The following NCOA1 variants were observed in gnomAD, a reference collection of about 807,000 sequenced individuals.
NCOA1 encodes Hin-2 protein.
A neutral mutation model predicts 150.9 loss-of-function variants in NCOA1; 35 were observed. The ratio of observed to expected loss-of-function variants is 0.23; its 90% CI spans 0.18 to 0.31. The LOEUF (loss-of-function observed/expected upper bound fraction) is 0.31, where lower values mean the gene tolerates loss of function less well. NCOA1 is among the 10% of genes least tolerant of loss of function. The pLI is 1.00. For synonymous variants in NCOA1, 590 were observed against 630.0 expected, an observed-to-expected ratio of 0.94 and a Z score of 0.95; for missense variants, 1,491 against 1,749.3, an observed-to-expected ratio of 0.85 and a Z score of 2.63.
In NCOA1 at chr2:24,705,237, C is replaced by T. The variant is rs898142168; in HGVS notation, c.1097+4C>T. 1 of 1,613,438 alleles carries T rather than the reference C, an allele frequency of 6.2e-7. No homozygotes were observed. Among genetic ancestry groups the T allele is most frequent in the African/African-American group, 1.3e-5 (1 of 75,030 alleles). ...TGGGAATTCATATCATCGACAGGTACTACTTATTTGGAGAGCTTCATATGA... is the reference window on the plus strand; with the variant it reads ...TGGGAATTCATATCATCGACAGGTATTACTTATTTGGAGAGCTTCATATGA... On this transcript the variant is annotated splice_donor_region_variant and intron_variant, in intron 12 of 22. Coordinates refer to ENST00000348332, the MANE Select transcript of NCOA1 (RefSeq NM_003743.5).
Position 24,561,880 on chromosome 2 carries a change from C to T in NCOA1, c.-395-2415C>T, listed in dbSNP as rs567140129. ...ATAGCTCAGAGACCAACCTTATGGG[C>T]AAACAAAGGAAGTATAAAAGAAGAA... On this transcript the variant is annotated intron_variant, in intron 1 of 22. Coordinates refer to ENST00000348332, the MANE Select transcript of NCOA1 (RefSeq NM_003743.5). 5.3e-5 allele frequency among the ~76,000 whole-genome samples: 8 copies of T among 152,104 alleles called. No homozygotes were observed. In the South Asian group the frequency reaches 1.5e-3, roughly 28 times the overall value.
intron 1 of NCOA1, among the ~76,000 whole-genome samples, chr2:24,551,040 A>G (rs1191559622): frequency 6.6e-6 from 1 of 150,932 alleles, no homozygotes; most frequent in Non-Finnish European, 1.5e-5. Flanking sequence ...GGTTGCAGTG[A>G]GCTGAGATTG....
At chr2:24,544,099 T>G (rs1665507375) in intron 1 of NCOA1, among the ~76,000 whole-genome samples, 2 of 152,126 alleles carry the variant, frequency 1.3e-5, no homozygotes, top group Non-Finnish European at 2.9e-5. Flanking sequence ...GGTGGTTAGT[T>G]ACTAGGGAGA....
Position 24,726,664 on chromosome 2 carries a change from C to T in NCOA1, c.2675C>T (p.Thr892Ile). 3.1e-6 allele frequency: 5 copies of T among 1,610,276 alleles called. No homozygotes were observed. In the Middle Eastern group the frequency reaches 5.0e-4, roughly 160 times the overall value. The change falls in exon 15 of 23, where the codon ACA (threonine) becomes ATA (isoleucine). Residue 892 changes from threonine to isoleucine, a missense_variant. Transcript: ENST00000348332. ...GGAACAGGCGATCAGATTCCATGGA[C>T]AAATAATACAGTGACAGCTATAAAT... is the stretch of plus-strand genomic sequence containing the variant. Reference protein sequence around the residue: ...QPGTGDQIPWTNNTVTAINQS... With the variant: ...QPGTGDQIPWINNTVTAINQS...
rs1558303500 is a variant in NCOA1, at chr2:24,707,225, C to A, written c.1755C>A (p.Asn585Lys). 1 of 1,614,156 alleles carries A rather than the reference C, an allele frequency of 6.2e-7. No individual in the cohort carries two copies. The highest frequency in any genetic ancestry group is 8.5e-7 in the Non-Finnish European group (1 of 1,180,004). Residue 585 changes from asparagine (N) to lysine (K), a missense_variant, in exon 13 of 23, where the codon AAC (asparagine) becomes AAA (lysine). Asn to Lys is a moderately conservative substitution (Grantham distance 94). Around this residue, in one of 8 missense-constraint regions of NCOA1, gnomAD observed 703 missense variants for 717.7 expected, o/e 0.98. Transcript: ENST00000348332. ...CAGCAAAAGCTGAGTCCAAAGATAA[C>A]AAAGAGATTGCCTCAATTTTAAATG... ...IQPAKAESKD[N>K]KEIASILNEM...
At chr2:24,649,597 T>C (rs548286928) in intron 4 of NCOA1, among the ~76,000 whole-genome samples, 2 of 152,348 alleles carry the variant, frequency 1.3e-5, no homozygotes, top group East Asian at 3.9e-4. Flanking sequence ...CTATTTTCCC[T>C]CAGTCGTGAA....
chr2:24,674,664 C>A (rs901134516), intron 7 of NCOA1, among the ~76,000 whole-genome samples: 1 of 152,140 alleles, frequency 6.6e-6, no homozygotes. Flanking sequence ...TGGATATCTA[C>A]ATCATGGAAT....
intron 5 of NCOA1, among the ~76,000 whole-genome samples, chr2:24,664,679 G>A (rs977714781): frequency 2.0e-5 from 3 of 151,968 alleles, no homozygotes; most frequent in East Asian, 3.9e-4. Context: ...CTGCACTGCA[G>A]CCTGGCCTCA....
chr2:24,590,831 C>T (rs1437688951), intron 3 of NCOA1, among the ~76,000 whole-genome samples: 1 of 152,138 alleles, frequency 6.6e-6, no homozygotes, highest in East Asian at 1.9e-4. Context: ...GTGCTCCTTT[C>T]CTGATTTATT....
intron 3 of NCOA1, among the ~76,000 whole-genome samples, chr2:24,642,041 C>CGCGCGCGT (rs1670252059): frequency 1.1e-5 from 1 of 87,484 alleles, no homozygotes; most frequent in Non-Finnish European, 2.6e-5. Context: ...TGTGTGTGCG[C>CGCGCGCGT]GCGTGCGTAT....
At chr2:24,599,620 AGCT>A (rs1668024018) in intron 3 of NCOA1, among the ~76,000 whole-genome samples, 1 of 152,162 alleles carries the variant, frequency 6.6e-6, no homozygotes, top group African/African-American at 2.4e-5. Flanking sequence ...TTGGAGGCTT[AGCT>A]ATGACTTAAA....
intron 1 of NCOA1, among the ~76,000 whole-genome samples, chr2:24,515,585 A>AT (rs1664130153): frequency 6.6e-6 from 1 of 152,130 alleles, no homozygotes; most frequent in South Asian, 2.1e-4. Flanking sequence ...ATTTTGAGTG[A>AT]TTAAGAGTGA....
chr2:24,533,315 G>A (rs558818754), intron 1 of NCOA1, among the ~76,000 whole-genome samples: 18 of 152,300 alleles, frequency 1.2e-4, no homozygotes, highest in African/African-American at 4.1e-4. Flanking sequence ...TGAGACTGCT[G>A]AAGTTGCTTA....
At chr2:24,730,197 G>GAC (rs1165081863) in intron 17 of NCOA1, among the ~76,000 whole-genome samples, 58 of 152,172 alleles carry the variant, frequency 3.8e-4, no homozygotes, top group African/African-American at 1.3e-3. Flanking sequence ...AGGCAGCCCA[G>GAC]TTGCTACAAT....
At chr2:24,520,180 T>C (rs752018904) in intron 1 of NCOA1, among the ~76,000 whole-genome samples, 55 of 152,220 alleles carry the variant, frequency 3.6e-4, no homozygotes, top group Non-Finnish European at 7.2e-4. Flanking sequence ...CTTTGGAAAA[T>C]AGCTTGACAA....
At chr2:24,560,352 T>G (rs1666248548) in intron 1 of NCOA1, among the ~76,000 whole-genome samples, 1 of 152,184 alleles carries the variant, frequency 6.6e-6, no homozygotes, top group South Asian at 2.1e-4. Flanking sequence ...TAAAATGTAC[T>G]TGGAATTTTA....
At chr2:24,493,584 C>A (rs1218722516) in intron 1 of NCOA1, among the ~76,000 whole-genome samples, 1 of 150,774 alleles carries the variant, frequency 6.6e-6, no homozygotes, top group African/African-American at 2.4e-5. Context: ...TATTTTAGAT[C>A]TGCAGTGGTT....
At chr2:24,622,845 A>G (rs560810155) in intron 3 of NCOA1, among the ~76,000 whole-genome samples, 6 of 152,286 alleles carry the variant, frequency 3.9e-5, no homozygotes, top group Non-Finnish European at 5.9e-5. Flanking sequence ...AGTAGGTTGA[A>G]TTTATTGAGG....
At chr2:24,552,321 TTATATATATATATATATATA>T (rs1165573855) in intron 1 of NCOA1, among the ~76,000 whole-genome samples, 2 of 30,584 alleles carry the variant, frequency 6.5e-5, no homozygotes, top group African/African-American at 1.6e-4. Flanking sequence ...TTCATATATA[TTATATATATATATATATATA>T]TATATATATA....
Sources: allele counts gnomAD v4.1 joint callset (sites outside exome capture counted in the v4.1 genomes callset), GRCh38; gene constraint gnomAD v4.1.1; regional missense constraint gnomAD v4.1.1; transcripts MANE v1.5; gene names NCBI Gene and HGNC (gene_info 2026-07-23, HGNC 2026-07-21).